The following CACNA1C variants were observed in gnomAD, a reference collection of about 807,000 sequenced individuals.
The protein encoded by CACNA1C is voltage-dependent L-type calcium channel subunit alpha-1C.
A neutral mutation model predicts 229.0 loss-of-function variants in CACNA1C; 30 were observed. The ratio of observed to expected loss-of-function variants is 0.13; its 90% confidence interval spans 0.10 to 0.18. CACNA1C has a LOEUF of 0.18. Ranked by LOEUF, CACNA1C falls within the 10% of genes least tolerant of loss-of-function variation. The probability of loss-of-function intolerance (pLI) is 1.00; values close to 1 mark genes in which losing one functional copy is unlikely to be tolerated. For missense variants in CACNA1C, 1,658 were observed against 2,845.0 expected, an observed-to-expected ratio of 0.58 and a Z score of 9.49; for synonymous variants, 1,114 against 1,132.5, an observed-to-expected ratio of 0.98 and a Z score of 0.33.
In CACNA1C at chr12:2,115,314, G is replaced by C; in HGVS notation, c.140G>C (p.Gly47Ala). ...GCCCCTGAGCACATCCCCACCCCGG[G>C]GGCTGCCCTGTCGTGGCAGGCGGCC... is the stretch of plus-strand genomic sequence containing the variant. ...GLAPEHIPTP[G>A]AALSWQAAID... Residue 47 changes from glycine to alanine, a missense_variant, in exon 2 of 47, where the codon GGG becomes GCG. Coordinates refer to ENST00000399655, the MANE Select transcript of CACNA1C (RefSeq NM_000719.7). 1 of 1,595,228 alleles carries C rather than the reference G, an allele frequency of 6.3e-7. No individual in the cohort carries two copies. The highest frequency in any genetic ancestry group is 8.5e-7 in the Non-Finnish European group (1 of 1,172,818).
intron 3 of CACNA1C, among the ~76,000 whole-genome samples, chr12:2,336,509 C>G (rs1306527500): frequency 6.6e-6 from 1 of 152,048 alleles, no homozygotes; most frequent in Non-Finnish European, 1.5e-5. Context: ...GTCTGGCTGC[C>G]CAGAGATATG....
At chr12:2,450,377 AC>A (rs372006266) in intron 4 of CACNA1C, among the ~76,000 whole-genome samples, 26 of 151,500 alleles carry the variant, frequency 1.7e-4, no homozygotes, top group Non-Finnish European at 1.2e-4. Flanking sequence ...ACACGGTGAA[AC>A]CCCGTCTCTA....
intron 1 of CACNA1C, among the ~76,000 whole-genome samples, chr12:2,040,971 A>T (rs1386353620): frequency 6.6e-6 from 1 of 152,214 alleles, no homozygotes; most frequent in African/African-American, 2.4e-5. Flanking sequence ...GTTCTTTCTA[A>T]TACCTGACAC....
intron 3 of CACNA1C, among the ~76,000 whole-genome samples, chr12:2,290,086 G>T (rs562062235): frequency 2.6e-5 from 4 of 152,166 alleles, no homozygotes; most frequent in Admixed American, 1.3e-4. Flanking sequence ...AAAATGAAGC[G>T]ATTCAGGGGA....
chr12:2,546,391 T>C (rs2099881250), intron 9 of CACNA1C, among the ~76,000 whole-genome samples: 1 of 152,228 alleles, frequency 6.6e-6, no homozygotes, highest in African/African-American at 2.4e-5. Context: ...GTGCAGTTGC[T>C]GGTGTCTTCA....
chr12:2,175,107 A>T (rs1212801042), intron 3 of CACNA1C, among the ~76,000 whole-genome samples: 1 of 152,124 alleles, frequency 6.6e-6, no homozygotes, highest in Non-Finnish European at 1.5e-5. Flanking sequence ...GACAAGATTT[A>T]AAAAAATATA....
At position 2,553,649 on chromosome 12, in the gene CACNA1C, G is replaced by C. The variant is rs75456223; in HGVS notation, c.1482-3302G>C. Among the ~76,000 whole-genome samples, 602 of 152,374 alleles carry C rather than the reference G, an allele frequency of 4.0e-3. 25 individuals are homozygous for C. In the South Asian group the frequency reaches 0.048, roughly 12 times the overall value. On this transcript the variant is annotated intron_variant, in intron 10 of 46. Transcript: ENST00000399655. ...AAAAAGAGACAGCGGCGTGTCCCAGGGTGGGGCTTAGCCATGCAGGCATGG... is the reference window on the plus strand; with the variant it reads ...AAAAAGAGACAGCGGCGTGTCCCAGCGTGGGGCTTAGCCATGCAGGCATGG...
chr12:2,099,560 A>G (rs1002413502), intron 1 of CACNA1C, among the ~76,000 whole-genome samples: 23 of 152,144 alleles, frequency 1.5e-4, no homozygotes, highest in Non-Finnish European at 2.9e-4. Flanking sequence ...CCACAGTCAT[A>G]TTGGAAGTAT....
At chr12:2,248,213 C>A (rs1271593889) in intron 3 of CACNA1C, among the ~76,000 whole-genome samples, 3 of 152,198 alleles carry the variant, frequency 2.0e-5, no homozygotes, top group Non-Finnish European at 2.9e-5. Flanking sequence ...ATAATGTCCA[C>A]TTCCTGGCTG....
At chr12:2,685,622 G>A (rs541832963) in intron 43 of CACNA1C, 114 bp from the exon 44 acceptor site, 5 of 752,590 alleles carry the variant, frequency 6.6e-6, no homozygotes, top group Admixed American at 4.1e-5. Flanking sequence ...TAAGCACAAA[G>A]TGTGCGTCCC....
At chr12:2,180,367 A>G (rs1012911765) in intron 3 of CACNA1C, among the ~76,000 whole-genome samples, 1 of 152,262 alleles carries the variant, frequency 6.6e-6, no homozygotes, top group African/African-American at 2.4e-5. Context: ...TAGGAAGCCC[A>G]GCAGGGCCTG....
intron 22 of CACNA1C, among the ~76,000 whole-genome samples, chr12:2,604,800 T>C (rs1386279111): frequency 6.6e-6 from 1 of 152,210 alleles, no homozygotes; most frequent in East Asian, 1.9e-4. Context: ...TGAATGCCCC[T>C]GTGAGTAGCA....
chr12:2,246,977 T>A lies in CACNA1C; in HGVS notation c.477+126547T>A, dbSNP rs1352920325. 3.3e-5 allele frequency among the ~76,000 whole-genome samples: 5 copies of A among 152,166 alleles called. No individual in the cohort carries two copies. The East Asian group carries it at 9.6e-4, about 29-fold the overall frequency. Reference sequence around the variant, plus strand: ...CCCCATGCACACACATGCCTACACATGCCTGCAATAACTCCCCGATAGGTA... The same window carrying A: ...CCCCATGCACACACATGCCTACACAAGCCTGCAATAACTCCCCGATAGGTA... On this transcript the variant is annotated intron_variant, in intron 3 of 46. Coordinates refer to ENST00000399655, the MANE Select transcript of CACNA1C (RefSeq NM_000719.7).
chr12:2,519,752 C>T (rs564210398), intron 9 of CACNA1C, among the ~76,000 whole-genome samples: 1 of 152,110 alleles, frequency 6.6e-6, no homozygotes, highest in African/African-American at 2.4e-5. Context: ...TACCCATGGG[C>T]GAGGTCCTGT....
Position 2,679,462 on chromosome 12 carries a change from G to C in CACNA1C, c.5110G>C (p.Gly1704Arg). Residue 1704 changes from glycine to arginine, a missense_variant, in exon 42 of 47, where the codon GGC (glycine) becomes CGC (arginine). Gly to Arg is a moderately radical substitution (Grantham distance 125, BLOSUM62 -2). Coordinates refer to ENST00000399655, the MANE Select transcript of CACNA1C (RefSeq NM_000719.7). This position sits in a 1 kb window ranked among gnomAD's most constrained non-coding sequence, Gnocchi z 5.5. ...CCTACAGAGGGCCGGTGGCCTGTTC[G>C]GCAACCACGTCAGCTACTACCAAAG... ...DIFRRAGGLF[G>R]NHVSYYQSDG... 6.3e-7 allele frequency: 1 copy of C among 1,577,976 alleles called. No individual in the cohort carries two copies.
Position 2,067,060 on chromosome 12 carries a change from T to C in CACNA1C, c.49+13449T>C, listed in dbSNP as rs2059514522. Among the ~76,000 whole-genome samples, 1 of 151,558 alleles carries C rather than the reference T, an allele frequency of 6.6e-6. No homozygotes were observed. Among genetic ancestry groups the C allele is most frequent in the Non-Finnish European group, 1.5e-5 (1 of 67,854 alleles). On this transcript the variant is annotated intron_variant, in intron 1 of 46. Transcript: ENST00000399655. The surrounding 1 kb of genome is among the most constrained non-coding windows in gnomAD (Gnocchi z 5.3). ...GGAAGCATGAGTTAGGGGCCAGGAG[T>C]GATTGGCATTCCTAGAGAAAGCTTC...
chr12:2,073,743 G>A (rs1054542585), intron 1 of CACNA1C, among the ~76,000 whole-genome samples: 13 of 152,156 alleles, frequency 8.5e-5, no homozygotes, highest in African/African-American at 3.1e-4. Flanking sequence ...AAGAATTTCA[G>A]GCATCAGCAA....
At chr12:2,307,196 C>T (rs879876851) in intron 3 of CACNA1C, among the ~76,000 whole-genome samples, 33 of 152,320 alleles carry the variant, frequency 2.2e-4, no homozygotes, top group Non-Finnish European at 4.1e-4. Flanking sequence ...GCCCAGAGGA[C>T]TCAGAGTTGT....
rs114472282 is a variant in CACNA1C at position 2,440,566 on chromosome 12, G to A, written c.478-8410G>A. Among the ~76,000 whole-genome samples, 1,435 of 152,288 alleles carry A rather than the reference G, an allele frequency of 9.4e-3. 23 individuals are homozygous for A. The highest frequency in any genetic ancestry group is 0.032 in the African/African-American group (1,337 of 41,556). On this transcript the variant is annotated intron_variant, in intron 3 of 46. Coordinates refer to ENST00000399655, the MANE Select transcript of CACNA1C (RefSeq NM_000719.7). ...CCAGGAGGAGGAGGCCTTCAGTGTG[G>A]GAGGCCTGCTGCCCACCCCTCCAGC...
Sources: allele counts gnomAD v4.1 joint callset (sites outside exome capture counted in the v4.1 genomes callset), GRCh38; gene constraint gnomAD v4.1.1; non-coding constraint Gnocchi (gnomAD v3.1); transcripts MANE v1.5; gene names NCBI Gene and HGNC (gene_info 2026-07-23, HGNC 2026-07-21).